The following NSD1 variants were observed in gnomAD, a reference collection of about 807,000 sequenced individuals.
NSD1 encodes nuclear receptor binding SET domain protein 1, also known as histone-lysine N-methyltransferase, H3 lysine-36 specific.
In NSD1, 26 loss-of-function variants were observed where a neutral mutation model predicts 242.7. The ratio of observed to expected loss-of-function variants is 0.11; its 90% CI spans 0.08 to 0.15. NSD1 has a LOEUF of 0.15. Among genes scored for constraint, NSD1 ranks in the 10% least tolerant of loss-of-function variants. The pLI is 1.00. For synonymous variants in NSD1, 1,106 were observed against 1,178.1 expected (o/e 0.94, Z 1.25); for missense variants, 2,495 against 3,272.8 (o/e 0.76, Z 5.80).
At chr5:177,266,255 A>C (rs1757448570) in intron 14 of NSD1, 2 of 772,498 alleles carry the variant, frequency 2.6e-6, no homozygotes, top group African/African-American at 3.4e-5. Flanking sequence ...TATCTCCTCC[A>C]CCTTCCCCTT....
chr5:177,148,804 GAGTGATCC>G (rs968253395), intron 2 of NSD1, among the ~76,000 whole-genome samples: 1 of 152,048 alleles, frequency 6.6e-6, no homozygotes, highest in Non-Finnish European at 1.5e-5. Context: ...AGCAGTATAT[GAGTGATCC>G]AGTTTCTTTT....
At chr5:177,140,756 T>C (rs886904472) in intron 2 of NSD1, among the ~76,000 whole-genome samples, 4 of 152,012 alleles carry the variant, frequency 2.6e-5, no homozygotes, top group Non-Finnish European at 5.9e-5. Flanking sequence ...AGGGAGAAAA[T>C]TGGCAGCTTT....
intron 14 of NSD1, chr5:177,265,975 C>T: frequency 9.2e-7 from 1 of 1,090,760 alleles, no homozygotes; most frequent in South Asian, 1.3e-5. Flanking sequence ...TGAGGTCCAC[C>T]ACATCCACTA....
chr5:177,156,030 A>G (rs960410218), intron 2 of NSD1, among the ~76,000 whole-genome samples: 1 of 151,688 alleles, frequency 6.6e-6, no homozygotes, highest in Non-Finnish European at 1.5e-5. Context: ...AATGAAGATT[A>G]ATTATTGTAG....
intron 2 of NSD1, among the ~76,000 whole-genome samples, chr5:177,152,346 TA>T (rs1474918090): frequency 6.6e-6 from 1 of 151,604 alleles, no homozygotes; most frequent in East Asian, 1.9e-4. Flanking sequence ...TGTATGTATG[TA>T]TGTATGTATG....
chr5:177,277,375 C>T (rs1758483895), intron 17 of NSD1, among the ~76,000 whole-genome samples: 1 of 152,142 alleles, frequency 6.6e-6, no homozygotes, highest in African/African-American at 2.4e-5. Flanking sequence ...TCTTCATTTA[C>T]ATATTACATA....
In NSD1 at chr5:177,297,291, A is replaced by G. The variant is rs1760314552; in HGVS notation, c.*1832A>G. On this transcript the variant is annotated 3_prime_UTR_variant, in exon 23 of 23. Coordinates refer to ENST00000439151, the MANE Select transcript of NSD1 (RefSeq NM_022455.5). ...ATCCTCTCTCTCTTCCCACATCATCAAAGAGGAAAAGCTCTTTGTTCAAAA... is the reference window on the plus strand; with the variant it reads ...ATCCTCTCTCTCTTCCCACATCATCGAAGAGGAAAAGCTCTTTGTTCAAAA... 2 of 231,382 alleles carry G rather than the reference A, an allele frequency of 8.6e-6. No homozygotes were observed. The highest frequency in any genetic ancestry group is 1.7e-5 in the Non-Finnish European group (2 of 117,048). 14.3% of individuals were successfully genotyped at this position (231,382 alleles called of 1,614,324 possible).
chr5:177,261,950 T>C (rs1757030063), intron 14 of NSD1, among the ~76,000 whole-genome samples: 1 of 152,228 alleles, frequency 6.6e-6, no homozygotes, highest in African/African-American at 2.4e-5. Context: ...AGAATGAGCA[T>C]TGTACTTTGA....
intron 12 of NSD1, among the ~76,000 whole-genome samples, chr5:177,253,683 A>G (rs1255249608): frequency 6.8e-6 from 1 of 147,088 alleles, no homozygotes; most frequent in Non-Finnish European, 1.5e-5. Context: ...CCTAGTCTGG[A>G]GTACAGTGAT....
rs777507176 is a variant in NSD1 at position 177,211,407 on chromosome 5, G to C, written c.3008G>C (p.Arg1003Thr). ...ASLPGLLSDKRDLPASGKSRS... is the reference protein window; with the variant it reads ...ASLPGLLSDKTDLPASGKSRS... ...CTACCTGGCTTACTGTCCGACAAGAGAGACCTCCCTGCTTCTGGTAAAAGT... is the reference window on the plus strand; with the variant it reads ...CTACCTGGCTTACTGTCCGACAAGACAGACCTCCCTGCTTCTGGTAAAAGT... Residue 1003 changes from arginine (R) to threonine (T), a missense_variant, in exon 5 of 23, where the codon AGA becomes ACA. By Grantham distance (71) the Arg-to-Thr change is moderately conservative. This residue lies in a region of NSD1 where 426 missense variants were observed against 411.4 expected (regional missense o/e 1.04). Transcript: ENST00000439151. The C allele has an allele frequency of 6.2e-7, 1 of 1,614,030 alleles. No individual in the cohort carries two copies. Among genetic ancestry groups the C allele is most frequent in the Non-Finnish European group, 8.5e-7 (1 of 1,180,052 alleles).
At chr5:177,149,658 G>A (rs1313512499) in intron 2 of NSD1, among the ~76,000 whole-genome samples, 1 of 152,104 alleles carries the variant, frequency 6.6e-6, no homozygotes, top group African/African-American at 2.4e-5. Context: ...AGATTATCAC[G>A]CATTAGTTAG....
Position 177,135,847 on chromosome 5 carries a change from T to C in NSD1, c.744T>C (p.Asn248=), listed in dbSNP as rs751661153. 1.9e-6 allele frequency: 3 copies of C among 1,605,430 alleles called. No individual in the cohort carries two copies. The Admixed American group carries it at 5.1e-5, about 27-fold the overall frequency. The change falls in exon 2 of 23, where the codon AAT becomes AAC. Residue 248 remains asparagine, a synonymous_variant. Transcript: ENST00000439151. ...AAAGAAATGAAGTGGACGGCAGCAA[T>C]GAAAAAGCAGCCCTTCTCCCAGCCC... is the stretch of plus-strand genomic sequence containing the variant. The part of the protein sequence containing the change: ...NKQRNEVDGS[N]EKAALLPAPF...
chr5:177,141,523 T>A (rs1227641661), intron 2 of NSD1, among the ~76,000 whole-genome samples: 2 of 149,588 alleles, frequency 1.3e-5, no homozygotes, highest in African/African-American at 4.9e-5. Context: ...CAGAGAGAGG[T>A]TTCACCATGT....
chr5:177,217,468 A>G (rs1461581528), intron 5 of NSD1, among the ~76,000 whole-genome samples: 1 of 152,090 alleles, frequency 6.6e-6, no homozygotes, highest in African/African-American at 2.4e-5. Flanking sequence ...TTATTGCCTA[A>G]TTACTCTGCT....
At chr5:177,282,246 GTA>G (rs1177098618) in intron 18 of NSD1, among the ~76,000 whole-genome samples, 2 of 152,226 alleles carry the variant, frequency 1.3e-5, no homozygotes, top group African/African-American at 4.8e-5. Context: ...AGTATCCAGT[GTA>G]TCCTAATCTT....
chr5:177,211,000 C>T lies in NSD1; in HGVS notation c.2601C>T (p.Leu867=). ...VKHVLSELKE[L]SYRSLGEDVS... ...ATGTTTTATCCGAGTTGAAGGAACT[C>T]TCTTACAGATCCTTAGGTGAGGATG... The change falls in exon 5 of 23, where the codon CTC becomes CTT. Residue 867 remains leucine, a synonymous_variant. Transcript: ENST00000439151. 6.2e-7 allele frequency: 1 copy of T among 1,614,154 alleles called. No homozygotes were observed. The highest frequency in any genetic ancestry group is 1.1e-5 in the South Asian group (1 of 91,088).
intron 14 of NSD1, chr5:177,266,646 G>A: frequency 2.3e-6 from 1 of 441,408 alleles, no homozygotes; most frequent in Non-Finnish European, 3.8e-6. Flanking sequence ...TTCTATAGTA[G>A]GATTTTAAGA....
At chr5:177,151,193 G>T (rs930010456) in intron 2 of NSD1, among the ~76,000 whole-genome samples, 1 of 152,044 alleles carries the variant, frequency 6.6e-6, no homozygotes, top group African/African-American at 2.4e-5. Context: ...CCTGGCTAAC[G>T]TGGCCAAACC....
chr5:177,261,148 C>T (rs1756964443), intron 14 of NSD1, among the ~76,000 whole-genome samples: 1 of 152,012 alleles, frequency 6.6e-6, no homozygotes, highest in Admixed American at 6.6e-5. Context: ...ACGCCACTCC[C>T]CATCCCTCCC....
Sources: allele counts gnomAD v4.1 joint callset (sites outside exome capture counted in the v4.1 genomes callset), GRCh38; gene constraint gnomAD v4.1.1; regional missense constraint gnomAD v4.1.1; transcripts MANE v1.5; gene names NCBI Gene and HGNC (gene_info 2026-07-23, HGNC 2026-07-21).